The following LHFPL3 variants were observed in gnomAD, a reference collection of about 807,000 sequenced individuals.
LHFPL3 encodes the protein LHFPL tetraspan subfamily member 3 protein.
Under a neutral mutation model 19.3 loss-of-function variants are expected in LHFPL3, and 5 were observed. The observed-to-expected ratio is 0.26, with a 90% CI of 0.14 to 0.54. The LOEUF is 0.54. Ranked by LOEUF, LHFPL3 falls within the 20% of genes least tolerant of loss-of-function variation. LHFPL3 has a pLI of 0.94. For synonymous variants in LHFPL3, 133 were observed against 126.2 expected (o/e 1.05, Z -0.36); for missense variants, 249 against 307.4 (o/e 0.81, Z 1.42).
chr7:104,448,953 G>A (rs959285037), intron 1 of LHFPL3, among the ~76,000 whole-genome samples: 1 of 152,214 alleles, frequency 6.6e-6, no homozygotes, highest in Non-Finnish European at 1.5e-5. Context: ...TGATGATAGT[G>A]TGCTTCAATA....
At chr7:104,862,258 G>C (rs1217041477) in intron 2 of LHFPL3, among the ~76,000 whole-genome samples, 15 of 152,158 alleles carry the variant, frequency 9.9e-5, no homozygotes, top group Admixed American at 7.2e-4. Context: ...ACCAAGGCTA[G>C]TTAGAATCCC....
intron 2 of LHFPL3, among the ~76,000 whole-genome samples, chr7:104,873,894 C>T (rs1306806208): frequency 6.6e-6 from 1 of 152,182 alleles, no homozygotes; most frequent in East Asian, 1.9e-4. Flanking sequence ...GCCCTCAGAA[C>T]GTATGATGAA....
At chr7:104,463,291 T>G (rs1393800107) in intron 1 of LHFPL3, among the ~76,000 whole-genome samples, 1 of 152,232 alleles carries the variant, frequency 6.6e-6, no homozygotes, top group East Asian at 1.9e-4. Context: ...AGAGTTGGTT[T>G]GCTTTTGCTT....
intron 1 of LHFPL3, among the ~76,000 whole-genome samples, chr7:104,550,074 G>A (rs1794639495): frequency 6.6e-6 from 1 of 152,220 alleles, no homozygotes; most frequent in Admixed American, 6.5e-5. Flanking sequence ...CTAGAAAAGA[G>A]TCCGTTTTGC....
At chr7:104,527,137 C>T (rs1794204460) in intron 1 of LHFPL3, among the ~76,000 whole-genome samples, 1 of 152,120 alleles carries the variant, frequency 6.6e-6, no homozygotes, top group Admixed American at 6.5e-5. Flanking sequence ...GGTGTGCTCA[C>T]CCAGTGTTGC....
chr7:104,344,843 A>T (rs1237288902), intron 1 of LHFPL3, among the ~76,000 whole-genome samples: 1 of 151,608 alleles, frequency 6.6e-6, no homozygotes, highest in East Asian at 1.9e-4. Flanking sequence ...AAGTATTTTC[A>T]TGAGTAAAAT....
At chr7:104,359,761 T>C (rs1319774125) in intron 1 of LHFPL3, among the ~76,000 whole-genome samples, 1 of 152,230 alleles carries the variant, frequency 6.6e-6, no homozygotes, top group Non-Finnish European at 1.5e-5. Flanking sequence ...GGGCCCTGGA[T>C]TTAAAAAGTG....
chr7:104,512,884 T>C (rs1440182565), intron 1 of LHFPL3, among the ~76,000 whole-genome samples: 1 of 152,188 alleles, frequency 6.6e-6, no homozygotes, highest in African/African-American at 2.4e-5. Context: ...CTCTTTTAAA[T>C]TGGCGATGAG....
intron 2 of LHFPL3, among the ~76,000 whole-genome samples, chr7:104,858,995 G>C (rs1167628572): frequency 6.6e-6 from 1 of 151,810 alleles, no homozygotes; most frequent in Non-Finnish European, 1.5e-5. Flanking sequence ...GGGCACAGTG[G>C]CTCACACCTG....
At chr7:104,886,726 A>T (rs763865564) in intron 2 of LHFPL3, among the ~76,000 whole-genome samples, 15 of 152,254 alleles carry the variant, frequency 9.9e-5, no homozygotes, top group Non-Finnish European at 1.8e-4. Context: ...AAAATTATAC[A>T]TTCACATTTA....
At chr7:104,886,451 G>A (rs536042503) in intron 2 of LHFPL3, among the ~76,000 whole-genome samples, 52 of 152,172 alleles carry the variant, frequency 3.4e-4, no homozygotes, top group African/African-American at 1.1e-3. Context: ...CGCAACTTCC[G>A]CCACCTGGGT....
At chr7:104,789,089 G>T (rs1789973964) in intron 2 of LHFPL3, among the ~76,000 whole-genome samples, 1 of 152,186 alleles carries the variant, frequency 6.6e-6, no homozygotes, top group South Asian at 2.1e-4. Context: ...ACACAATACA[G>T]CAAGATGCTC....
chr7:104,586,582 A>G (rs1403413131), intron 1 of LHFPL3, among the ~76,000 whole-genome samples: 17 of 152,270 alleles, frequency 1.1e-4, no homozygotes, highest in East Asian at 1.9e-4. Flanking sequence ...CCCTTTCTTA[A>G]AAGTTGGCAA....
At chr7:104,344,671 A>C (rs550587462) in intron 1 of LHFPL3, among the ~76,000 whole-genome samples, 1 of 152,310 alleles carries the variant, frequency 6.6e-6, no homozygotes, top group South Asian at 2.1e-4. Flanking sequence ...ACATTAATTG[A>C]TAGGCACTTA....
intron 1 of LHFPL3, among the ~76,000 whole-genome samples, chr7:104,683,569 A>G (rs777833957): frequency 4.7e-5 from 7 of 147,442 alleles, no homozygotes; most frequent in Non-Finnish European, 9.0e-5. Flanking sequence ...ATAAATCACT[A>G]GGTCAAAGGA....
intron 1 of LHFPL3, among the ~76,000 whole-genome samples, chr7:104,698,040 C>T (rs80165553): frequency 0.016 from 2,415 of 152,290 alleles, 62 homozygotes; most frequent in African/African-American, 0.054. Context: ...TCCAATATCA[C>T]GGCCTTTGTG....
At chr7:104,447,480 A>G (rs1792351253) in intron 1 of LHFPL3, among the ~76,000 whole-genome samples, 1 of 152,172 alleles carries the variant, frequency 6.6e-6, no homozygotes, top group Non-Finnish European at 1.5e-5. Context: ...GATATTTTCC[A>G]TGTAATTGGT....
intron 2 of LHFPL3, among the ~76,000 whole-genome samples, chr7:104,739,702 C>T (rs754694252): frequency 2.1e-4 from 32 of 152,194 alleles, no homozygotes; most frequent in Middle Eastern, 3.4e-3. Context: ...CAGGGCAATG[C>T]AGTGAGACAA....
intron 2 of LHFPL3, among the ~76,000 whole-genome samples, chr7:104,764,441 G>A (rs987950697): frequency 4.6e-5 from 7 of 152,134 alleles, no homozygotes; most frequent in East Asian, 1.9e-4. Context: ...AAAGTGCTAG[G>A]ATTATAGGCA....
Sources: gnomAD v4.1 joint callset for allele counts (sites outside exome capture counted in the v4.1 genomes callset) on GRCh38, gnomAD v4.1.1 for gene constraint, MANE v1.5 for transcripts, NCBI Gene and HGNC (gene_info 2026-07-23, HGNC 2026-07-21) for gene names.